The following NRG1 variants were observed in gnomAD, a reference collection of about 807,000 sequenced individuals.
The protein encoded by NRG1 is neuregulin 1, also known as pro-neuregulin-1, membrane-bound isoform.
In NRG1, 18 loss-of-function variants were observed where a neutral mutation model predicts 63.8. The observed-to-expected ratio is 0.28, with a 90% CI of 0.19 to 0.42. The LOEUF (loss-of-function observed/expected upper bound fraction) is 0.42, where lower values mean the gene tolerates loss of function less well. NRG1 is among the 10% of genes least tolerant of loss of function. The probability of loss-of-function intolerance (pLI) is 1.00; values close to 1 mark genes in which losing one functional copy is unlikely to be tolerated. For synonymous variants in NRG1, 302 were observed against 301.3 expected (o/e 1.00, Z -0.02); for missense variants, 762 against 814.7 (o/e 0.94, Z 0.79).
chr8:32,612,084 A>C (rs1404070525), intron 3 of NRG1, among the ~76,000 whole-genome samples: 1 of 152,072 alleles, frequency 6.6e-6, no homozygotes, highest in Non-Finnish European at 1.5e-5. Context: ...TCAGTTTCTG[A>C]TAATTCTAAA....
chr8:32,109,664 A>G (rs961204344), intron 1 of NRG1, among the ~76,000 whole-genome samples: 9 of 152,076 alleles, frequency 5.9e-5, no homozygotes, highest in Middle Eastern at 3.2e-3. Flanking sequence ...TGTTCCCTAG[A>G]TAGATTCCCT....
At chr8:32,451,466 C>CG (rs1820931564) in intron 1 of NRG1, among the ~76,000 whole-genome samples, 1 of 152,150 alleles carries the variant, frequency 6.6e-6, no homozygotes, top group South Asian at 2.1e-4. Context: ...CCTTTTTCCC[C>CG]GGGGAGGGGG....
At chr8:32,161,186 C>T (rs927222815) in intron 1 of NRG1, among the ~76,000 whole-genome samples, 1 of 151,734 alleles carries the variant, frequency 6.6e-6, no homozygotes, top group African/African-American at 2.4e-5. Context: ...AGGATTAAAA[C>T]TGGTAATATA....
chr8:32,610,761 A>G (rs1311903512), intron 3 of NRG1, among the ~76,000 whole-genome samples: 1 of 152,182 alleles, frequency 6.6e-6, no homozygotes, highest in African/African-American at 2.4e-5. Context: ...CAACCTATGC[A>G]ATCTGCTAAT....
chr8:32,585,894 G>T (rs1373355964), intron 1 of NRG1, among the ~76,000 whole-genome samples: 1 of 152,118 alleles, frequency 6.6e-6, no homozygotes, highest in Non-Finnish European at 1.5e-5. Context: ...GTAGTTAAGA[G>T]CCAGGGCTCT....
intron 11 of NRG1, chr8:32,763,440 C>T: frequency 1.4e-6 from 2 of 1,422,990 alleles, no homozygotes; most frequent in Non-Finnish European, 1.9e-6. Context: ...TTTCCAGGAC[C>T]TAATGCCTTC....
intron 1 of NRG1, among the ~76,000 whole-genome samples, chr8:31,850,549 CCA>C (rs1310150932): frequency 2.0e-5 from 3 of 152,268 alleles, no homozygotes; most frequent in South Asian, 2.1e-4. Flanking sequence ...CCTTATTTAT[CCA>C]CAGTTTTTCC....
At chr8:32,093,094 A>G (rs1418494667) in intron 1 of NRG1, among the ~76,000 whole-genome samples, 1 of 152,176 alleles carries the variant, frequency 6.6e-6, no homozygotes, top group Non-Finnish European at 1.5e-5. Context: ...TCTATGTAGA[A>G]AGAAGTAGAC....
At chr8:32,245,232 A>G (rs565115024) in intron 1 of NRG1, among the ~76,000 whole-genome samples, 1 of 152,328 alleles carries the variant, frequency 6.6e-6, no homozygotes, top group African/African-American at 2.4e-5. Context: ...TAGCTGCTAG[A>G]CAACCTAGAG....
chr8:32,244,209 G>T (rs886238954), intron 1 of NRG1, among the ~76,000 whole-genome samples: 30 of 152,094 alleles, frequency 2.0e-4, no homozygotes, highest in African/African-American at 7.2e-4. Flanking sequence ...ACGTAGACTT[G>T]CTATCTTTAT....
At chr8:31,721,589 G>A (rs545634313) in intron 1 of NRG1, among the ~76,000 whole-genome samples, 42 of 151,954 alleles carry the variant, frequency 2.8e-4, no homozygotes, top group African/African-American at 9.6e-4. Flanking sequence ...ATCTTTCTTC[G>A]CAGGAAAAAA....
chr8:32,398,513 C>T (rs552757766), intron 1 of NRG1, among the ~76,000 whole-genome samples: 4 of 151,748 alleles, frequency 2.6e-5, no homozygotes, highest in South Asian at 2.1e-4. Context: ...CAGGTTCGAG[C>T]GATTTTCCTG....
chr8:32,347,712 GA>G (rs1406078862), intron 1 of NRG1, among the ~76,000 whole-genome samples: 1 of 152,164 alleles, frequency 6.6e-6, no homozygotes, highest in Non-Finnish European at 1.5e-5. Flanking sequence ...TAACAGCCCA[GA>G]AATGGTTTCA....
At chr8:32,506,894 T>C (rs1828602395) in intron 1 of NRG1, among the ~76,000 whole-genome samples, 3 of 151,988 alleles carry the variant, frequency 2.0e-5, no homozygotes, top group South Asian at 2.1e-4. Flanking sequence ...AAAAATAAGA[T>C]AAAAAAAGCA....
chr8:32,548,350 C>G, exon 1 of NRG1: 3 of 1,012,668 alleles, frequency 3.0e-6, no homozygotes, highest in Non-Finnish European at 3.5e-6. Flanking sequence ...AGGCCAGGAG[C>G]TGAGCGGCGG....
intron 1 of NRG1, among the ~76,000 whole-genome samples, chr8:31,949,170 T>C (rs1803085533): frequency 6.6e-6 from 1 of 152,240 alleles, no homozygotes; most frequent in South Asian, 2.1e-4. Context: ...TGCTAAGCAC[T>C]TCACACATGT....
chr8:32,512,109 A>G (rs941199921), intron 1 of NRG1, among the ~76,000 whole-genome samples: 1 of 151,880 alleles, frequency 6.6e-6, no homozygotes, highest in Non-Finnish European at 1.5e-5. Context: ...AGAAAGAGGT[A>G]GGACAGAAGA....
intron 5 of NRG1, among the ~76,000 whole-genome samples, chr8:32,633,896 C>T (rs1285448113): frequency 1.3e-5 from 2 of 151,824 alleles, no homozygotes; most frequent in Admixed American, 1.3e-4. Flanking sequence ...AGTCCCAGTA[C>T]TTTGGGAGGC....
intron 5 of NRG1, among the ~76,000 whole-genome samples, chr8:32,688,960 G>A (rs960443914): frequency 1.4e-4 from 22 of 152,060 alleles, no homozygotes; most frequent in Non-Finnish European, 1.0e-4. Flanking sequence ...TCCTAGGGTC[G>A]TCACACCATA....
Sources: gnomAD v4.1 joint callset for allele counts (sites outside exome capture counted in the v4.1 genomes callset) on GRCh38, gnomAD v4.1.1 for gene constraint, MANE v1.5 for transcripts, NCBI Gene and HGNC (gene_info 2026-07-23, HGNC 2026-07-21) for gene names.